CDC42BPA: variants seen among roughly 807,000 people sequenced by gnomAD.
The protein encoded by CDC42BPA is serine/threonine-protein kinase MRCK alpha.
In CDC42BPA, 80 loss-of-function variants were observed where a neutral mutation model predicts 223.5. The ratio of observed to expected loss-of-function variants is 0.36; its 90% CI spans 0.30 to 0.43. The LOEUF (loss-of-function observed/expected upper bound fraction) is 0.43. Among genes scored for constraint, CDC42BPA ranks in the 20% least tolerant of loss-of-function variants. CDC42BPA has a pLI of 1.00. For synonymous variants in CDC42BPA, 694 were observed against 718.6 expected, an observed-to-expected ratio of 0.97 and a Z score of 0.55; for missense variants, 1,743 against 2,099.9, an observed-to-expected ratio of 0.83 and a Z score of 3.32.
intron 7 of CDC42BPA, among the ~76,000 whole-genome samples, chr1:227,146,333 C>T (rs773354069): frequency 1.3e-5 from 2 of 151,978 alleles, no homozygotes; most frequent in African/African-American, 4.8e-5. Context: ...ATATATACTA[C>T]AATATTTTTT....
intron 1 of CDC42BPA, among the ~76,000 whole-genome samples, chr1:227,309,587 T>A (rs1693166599): frequency 6.6e-6 from 1 of 152,246 alleles, no homozygotes. Flanking sequence ...AACAGGATTT[T>A]AAAACTATGA....
At chr1:227,003,301 A>G (rs958303566) in intron 35 of CDC42BPA, among the ~76,000 whole-genome samples, 1 of 152,166 alleles carries the variant, frequency 6.6e-6, no homozygotes, top group Non-Finnish European at 1.5e-5. Flanking sequence ...GGAGGTGAAA[A>G]AAGGTTTCAC....
intron 21 of CDC42BPA, among the ~76,000 whole-genome samples, chr1:227,061,546 T>G (rs1172705517): frequency 6.6e-6 from 1 of 152,182 alleles, no homozygotes; most frequent in Non-Finnish European, 1.5e-5. Context: ...GTCTGTATTT[T>G]CTAAACTCCC....
intron 5 of CDC42BPA, among the ~76,000 whole-genome samples, chr1:227,169,126 GT>G (rs1665665832): frequency 6.6e-6 from 1 of 151,756 alleles, no homozygotes; most frequent in South Asian, 2.1e-4. Flanking sequence ...CATTTGATTT[GT>G]TTCTAGTTCT....
chr1:227,161,945 G>A (rs2149813597), intron 5 of CDC42BPA, among the ~76,000 whole-genome samples: 1 of 152,288 alleles, frequency 6.6e-6, no homozygotes. Flanking sequence ...ATTCTAACCT[G>A]TTGAAAAAGA....
intron 11 of CDC42BPA, among the ~76,000 whole-genome samples, chr1:227,122,576 C>T (rs535805814): frequency 1.3e-5 from 2 of 152,264 alleles, no homozygotes; most frequent in South Asian, 2.1e-4. Context: ...TGTCAAATTT[C>T]CCTGTTTTAT....
intron 2 of CDC42BPA, among the ~76,000 whole-genome samples, chr1:227,243,431 G>A (rs567609788): frequency 5.1e-4 from 78 of 152,086 alleles, no homozygotes; most frequent in Non-Finnish European, 9.9e-4. Flanking sequence ...TGTGAAAAAG[G>A]TAGTCTTTAA....
intron 5 of CDC42BPA, among the ~76,000 whole-genome samples, chr1:227,184,466 T>C (rs929775143): frequency 5.9e-5 from 9 of 151,416 alleles, no homozygotes; most frequent in African/African-American, 1.2e-4. Flanking sequence ...TCAAAATCAG[T>C]TGAAAATACC....
chr1:227,071,871 TATAAA>T (rs972098088), intron 20 of CDC42BPA, among the ~76,000 whole-genome samples: 5 of 151,694 alleles, frequency 3.3e-5, no homozygotes, highest in Non-Finnish European at 7.4e-5. Flanking sequence ...TAAAGTACAT[TATAAA>T]ATAAAATTTT....
At chr1:227,293,337 T>G (rs1690026768) in intron 1 of CDC42BPA, among the ~76,000 whole-genome samples, 1 of 152,102 alleles carries the variant, frequency 6.6e-6, no homozygotes, top group Non-Finnish European at 1.5e-5. Flanking sequence ...ACTTAAATGT[T>G]TACAGTTTCT....
intron 17 of CDC42BPA, among the ~76,000 whole-genome samples, chr1:227,079,962 T>C (rs143517150): frequency 1.1e-3 from 164 of 152,122 alleles, no homozygotes; most frequent in African/African-American, 3.7e-3. Flanking sequence ...ATACATCTTA[T>C]AAACATAGCC....
rs111842310 is a variant in CDC42BPA at position 227,031,604 on chromosome 1, C to T, written c.3559-90G>A. The T allele has an allele frequency of 7.4e-3, 7,355 of 997,064 alleles. 343 individuals carry two copies. In the African/African-American group the frequency reaches 0.1, roughly 14 times the overall value. The allele number at this position is 997,064 out of a possible 1,614,324, so 61.8% of individuals were successfully genotyped here. ...TTATGTTAGTTTGCTTAGCACTCACCAATAAAATAAGCATTCATTAAATGA... is the reference window on the plus strand; with the variant it reads ...TTATGTTAGTTTGCTTAGCACTCACTAATAAAATAAGCATTCATTAAATGA... On this transcript the variant is annotated intron_variant, in intron 27 of 36. Transcript: ENST00000366766.
rs143254580 is a variant in CDC42BPA at position 227,126,464 on chromosome 1, AAAGGAAGGAAGGAAGGAAGGAAGGAAGG to A, written c.1513+2617_1513+2644del. On this transcript the variant is annotated intron_variant, in intron 11 of 36. Transcript: ENST00000366766. Reference sequence around the variant, plus strand: ...TGACAGAGAAAACAGGCAGTACAAGAAAGGAAGGAAGGAAGGAAGGAAGGAAGGAAGGAAGGAAGGAAGGAAGGAAGGA... The same window carrying A: ...TGACAGAGAAAACAGGCAGTACAAGAAAGGAAGGAAGGAAGGAAGGAAGGA... Among the ~76,000 whole-genome samples, 293 of 130,554 alleles carry A rather than the reference AAAGGAAGGAAGGAAGGAAGGAAGGAAGG, an allele frequency of 2.2e-3. 1 individual carries two copies. Among genetic ancestry groups the A allele is most frequent in the Non-Finnish European group, 2.9e-3 (180 of 62,650 alleles). The allele number at this position is 130,554 out of a possible 152,430, so 85.6% of individuals were successfully genotyped here.
intron 2 of CDC42BPA, among the ~76,000 whole-genome samples, chr1:227,218,660 T>C (rs1449255479): frequency 6.6e-6 from 1 of 152,200 alleles, no homozygotes; most frequent in Non-Finnish European, 1.5e-5. Flanking sequence ...CTACTCCAAG[T>C]ACTGAATAGT....
intron 1 of CDC42BPA, among the ~76,000 whole-genome samples, chr1:227,279,084 A>C (rs999648041): frequency 4.0e-5 from 6 of 151,594 alleles, no homozygotes; most frequent in Non-Finnish European, 5.9e-5. Flanking sequence ...TATTTCCTGA[A>C]GGTTAAATTA....
At position 227,001,963 on chromosome 1, in the gene CDC42BPA, AAAC is replaced by A. The variant is rs1049235516; in HGVS notation, c.4975+3028_4975+3030del. Among the ~76,000 whole-genome samples the A allele has an allele frequency of 4.3e-4, 65 of 152,298 alleles. No homozygotes were observed. The East Asian group carries it at 6.0e-3, about 14-fold the overall frequency. ...AAACGCAAAACCAAAACAAAAAACAAAACAACAACAAAACCCAAAAAAATCCTG... is the reference window on the plus strand; with the variant it reads ...AAACGCAAAACCAAAACAAAAAACAAAACAACAAAACCCAAAAAAATCCTG... On this transcript the variant is annotated intron_variant, in intron 35 of 36. Transcript: ENST00000366766.
At chr1:227,189,341 C>T (rs1249537032) in intron 5 of CDC42BPA, among the ~76,000 whole-genome samples, 1 of 152,010 alleles carries the variant, frequency 6.6e-6, no homozygotes, top group Non-Finnish European at 1.5e-5. Flanking sequence ...TCTCAATAGA[C>T]CTAGACAGAA....
chr1:227,198,050 TATG>T (rs1457775767), intron 4 of CDC42BPA, among the ~76,000 whole-genome samples: 1 of 152,200 alleles, frequency 6.6e-6, no homozygotes, highest in African/African-American at 2.4e-5. Context: ...ATATGGCTTA[TATG>T]ATAATTCAGT....
intron 1 of CDC42BPA, among the ~76,000 whole-genome samples, chr1:227,306,264 C>T (rs1214476690): frequency 1.3e-5 from 2 of 148,846 alleles, no homozygotes; most frequent in African/African-American, 2.5e-5. Context: ...GAAAAACAAA[C>T]ATGATTAATA....
Sources: allele counts gnomAD v4.1 joint callset (sites outside exome capture counted in the v4.1 genomes callset), GRCh38; gene constraint gnomAD v4.1.1; transcripts MANE v1.5; gene names NCBI Gene and HGNC (gene_info 2026-07-23, HGNC 2026-07-21).